ZMYM4: variants seen among roughly 807,000 people sequenced by gnomAD.
The protein encoded by ZMYM4 is zinc finger MYM-type protein 4.
A neutral mutation model predicts 183.2 loss-of-function variants in ZMYM4; 31 were observed. That is an observed-to-expected ratio of 0.17 (90% CI 0.13 to 0.23). The LOEUF is 0.23. Ranked by LOEUF, ZMYM4 falls within the 10% of genes least tolerant of loss-of-function variation. The probability of loss-of-function intolerance (pLI) is 1.00; values close to 1 mark genes in which losing one functional copy is unlikely to be tolerated. For missense variants in ZMYM4, 1,273 were observed against 1,840.3 expected (o/e 0.69, Z 5.64); for synonymous variants, 592 against 631.2 (o/e 0.94, Z 0.93).
chr1:35,283,982 T>A (rs1019743611), intron 1 of ZMYM4, among the ~76,000 whole-genome samples: 2 of 151,768 alleles, frequency 1.3e-5, no homozygotes, highest in African/African-American at 4.8e-5. Context: ...TTTTGTTTTT[T>A]TTTTTGAGAC....
chr1:35,351,930 T>C (rs1165943030), intron 2 of ZMYM4, among the ~76,000 whole-genome samples: 1 of 152,204 alleles, frequency 6.6e-6, no homozygotes, highest in East Asian at 1.9e-4. Flanking sequence ...TTAAATTACT[T>C]AAAATAACTT....
chr1:35,301,704 T>C (rs1641285612), intron 1 of ZMYM4, among the ~76,000 whole-genome samples: 1 of 152,196 alleles, frequency 6.6e-6, no homozygotes, highest in Non-Finnish European at 1.5e-5. Context: ...AGCTTGATAC[T>C]TAGCTGAAGA....
intron 1 of ZMYM4, among the ~76,000 whole-genome samples, chr1:35,275,497 G>A (rs1639827755): frequency 6.6e-6 from 1 of 152,158 alleles, no homozygotes; most frequent in African/African-American, 2.4e-5. Context: ...AAAGTGCTGG[G>A]ATTACAGGCG....
At chr1:35,284,266 G>A (rs926184290) in intron 1 of ZMYM4, among the ~76,000 whole-genome samples, 6 of 152,140 alleles carry the variant, frequency 3.9e-5, no homozygotes, top group Admixed American at 1.3e-4. Flanking sequence ...GTGAGCCACC[G>A]CGCCCGGCCA....
chr1:35,382,070 G>T (rs1028652515), intron 9 of ZMYM4, among the ~76,000 whole-genome samples: 1 of 151,236 alleles, frequency 6.6e-6, no homozygotes, highest in Admixed American at 6.6e-5. Context: ...GCTTGAACTC[G>T]GGAGGTGGAG....
Position 35,350,582 on chromosome 1 carries a change from C to T in ZMYM4, c.86-8343C>T, listed in dbSNP as rs182268856. 3.5e-3 allele frequency: 569 copies of T among 164,108 alleles called. 3 individuals are homozygous for T. The highest frequency in any genetic ancestry group is 8.1e-3 in the Middle Eastern group (3 of 370). 10.2% of individuals were successfully genotyped at this position (164,108 alleles called of 1,614,324 possible). A position where few individuals can be genotyped will look rare whatever the true frequency, so the allele number is the denominator to read the frequency against. ...GATTACAGGCGTGAGCCACCACACC[C>T]GGCTGAAATTACTATTAATACTAGT... On this transcript the variant is annotated intron_variant, in intron 2 of 29. Transcript: ENST00000314607.
rs1489227614 is a variant in ZMYM4 at position 35,421,324 on chromosome 1, C to T, written c.*1647C>T. Reference sequence around the variant, plus strand: ...TGAAAGAAGTAAATCCACCCCGATTCTGTATGATTAATTCCATCTGTGTTT... The same window carrying T: ...TGAAAGAAGTAAATCCACCCCGATTTTGTATGATTAATTCCATCTGTGTTT... On this transcript the variant is annotated 3_prime_UTR_variant, in exon 30 of 30. Transcript: ENST00000314607. 1 of 152,580 alleles carries T rather than the reference C, an allele frequency of 6.6e-6. No homozygotes were observed. The highest frequency in any genetic ancestry group is 1.5e-5 in the Non-Finnish European group (1 of 68,024). 9.5% of individuals were successfully genotyped at this position (152,580 alleles called of 1,614,324 possible).
intron 1 of ZMYM4, among the ~76,000 whole-genome samples, chr1:35,303,520 C>G (rs544675147): frequency 6.6e-6 from 1 of 152,218 alleles, no homozygotes; most frequent in Admixed American, 6.5e-5. Context: ...ATTCTCCTGC[C>G]TCACCCTCCC....
intron 1 of ZMYM4, among the ~76,000 whole-genome samples, chr1:35,299,894 A>G (rs1161812899): frequency 6.6e-6 from 1 of 151,664 alleles, no homozygotes; most frequent in East Asian, 1.9e-4. Flanking sequence ...CCCTGGGTTC[A>G]TGCCATTCTC....
At chr1:35,365,936 A>G (rs761519285) in intron 5 of ZMYM4, 7 of 152,156 alleles carry the variant, frequency 4.6e-5, no homozygotes, top group Non-Finnish European at 8.8e-5. Context: ...GATGTATACT[A>G]TTTTACTATA....
intron 1 of ZMYM4, among the ~76,000 whole-genome samples, chr1:35,288,792 TA>T (rs2148710140): frequency 6.6e-6 from 1 of 152,312 alleles, no homozygotes; most frequent in African/African-American, 2.4e-5. Context: ...GGAATTAACT[TA>T]TTTTTTTCCT....
chr1:35,401,971 A>G (rs1031543282), intron 23 of ZMYM4, among the ~76,000 whole-genome samples: 1 of 152,164 alleles, frequency 6.6e-6, no homozygotes, highest in Admixed American at 6.5e-5. Flanking sequence ...TTATATGTCT[A>G]TTTTTATACC....
At chr1:35,339,871 G>A (rs190870568) in intron 2 of ZMYM4, among the ~76,000 whole-genome samples, 20 of 152,232 alleles carry the variant, frequency 1.3e-4, no homozygotes, top group Middle Eastern at 3.4e-3. Flanking sequence ...CCTTTCTCCA[G>A]TAAGCTGCAA....
chr1:35,399,272 G>C (rs904565600), intron 22 of ZMYM4, among the ~76,000 whole-genome samples: 1 of 152,086 alleles, frequency 6.6e-6, no homozygotes, highest in Admixed American at 6.5e-5. Flanking sequence ...CTTTCCCGTA[G>C]TAGCTATATA....
chr1:35,381,808 G>A (rs757772929), intron 9 of ZMYM4, 50 bp downstream of exon 9: 97 of 1,580,256 alleles, frequency 6.1e-5, no homozygotes, highest in Non-Finnish European at 8.2e-5. Context: ...CAGGTAATCT[G>A]TATTTTTAGT....
At chr1:35,408,217 C>A in intron 26 of ZMYM4, 58 bp downstream of exon 26, 2 of 1,591,430 alleles carry the variant, frequency 1.3e-6, no homozygotes, top group Non-Finnish European at 1.7e-6. Context: ...CAGAATATGT[C>A]CCCACAGAAA....
At chr1:35,270,992 A>G (rs1266712769) in intron 1 of ZMYM4, among the ~76,000 whole-genome samples, 1 of 152,192 alleles carries the variant, frequency 6.6e-6, no homozygotes, top group Non-Finnish European at 1.5e-5. Flanking sequence ...GGTATGTCCA[A>G]ATAGTTTTGT....
Position 35,392,659 on chromosome 1 carries a change from C to A in ZMYM4, c.2741C>A (p.Thr914Lys). 1 of 1,594,202 alleles carries A rather than the reference C, an allele frequency of 6.3e-7. No individual in the cohort carries two copies. The highest frequency in any genetic ancestry group is 8.5e-7 in the Non-Finnish European group (1 of 1,174,248). ...AATTTATATCAAGGTGCAGTTCCAA[C>A]AGTAACAGCGAAAATCATCGGTGAT... is the stretch of plus-strand genomic sequence containing the variant. ...SNSVLQGAVP[T>K]VTAKIIGDAS... Residue 914 changes from threonine (T) to lysine (K), a missense_variant, in exon 17 of 30, where the codon ACA (threonine) becomes AAA (lysine). Transcript: ENST00000314607.
At chr1:35,352,386 G>A (rs867375008) in intron 2 of ZMYM4, among the ~76,000 whole-genome samples, 22 of 128,472 alleles carry the variant, frequency 1.7e-4, no homozygotes, top group South Asian at 1.0e-3. Context: ...AAAAATTAGC[G>A]CACACACACA....
Sources: gnomAD v4.1 joint callset for allele counts (sites outside exome capture counted in the v4.1 genomes callset) on GRCh38, gnomAD v4.1.1 for gene constraint, MANE v1.5 for transcripts, NCBI Gene and HGNC (gene_info 2026-07-23, HGNC 2026-07-21) for gene names.